CACHD1: variants seen among roughly 807,000 people sequenced by gnomAD.
CACHD1 encodes the protein cache domain containing 1, also known as VWFA and cache domain-containing protein 1.
In CACHD1, 71 loss-of-function variants were observed where a neutral mutation model predicts 138.7. That is an observed-to-expected ratio of 0.51 (90% CI 0.42 to 0.62). The LOEUF (loss-of-function observed/expected upper bound fraction) is 0.62, where lower values mean the gene tolerates loss of function less well. CACHD1 is among the 20% of genes least tolerant of loss of function. The pLI is 0.00. For synonymous variants in CACHD1, 578 were observed against 591.5 expected, an observed-to-expected ratio of 0.98 and a Z score of 0.33; for missense variants, 1,389 against 1,625.3, an observed-to-expected ratio of 0.85 and a Z score of 2.50.
intron 1 of CACHD1, among the ~76,000 whole-genome samples, chr1:64,533,220 G>T (rs935282737): frequency 6.6e-6 from 1 of 152,192 alleles, no homozygotes. Context: ...GCCGGGCGTG[G>T]TGGTGCAGGC....
chr1:64,511,102 A>G (rs1461838771), intron 1 of CACHD1, among the ~76,000 whole-genome samples: 1 of 152,204 alleles, frequency 6.6e-6, no homozygotes, highest in Non-Finnish European at 1.5e-5. Flanking sequence ...TGTACCTAAG[A>G]TCTCTACAGG....
At chr1:64,681,934 A>G in intron 25 of CACHD1, 71 bp from the exon 26 acceptor site, 2 of 1,332,186 alleles carry the variant, frequency 1.5e-6, no homozygotes. Flanking sequence ...GAGCCCTCTC[A>G]GAGCAAATGT....
At chr1:64,475,066 G>A (rs1385562368) in intron 1 of CACHD1, among the ~76,000 whole-genome samples, 1 of 151,980 alleles carries the variant, frequency 6.6e-6, no homozygotes, top group Non-Finnish European at 1.5e-5. Flanking sequence ...AGCTGGGGCA[G>A]AAGTGTCAAA....
chr1:64,508,712 TAAGA>T (rs1646395985), intron 1 of CACHD1, among the ~76,000 whole-genome samples: 3 of 152,230 alleles, frequency 2.0e-5, no homozygotes, highest in African/African-American at 7.2e-5. Context: ...GAGGGCTAAG[TAAGA>T]TAGAGACGTA....
At chr1:64,638,076 A>T (rs1648583325) in intron 7 of CACHD1, among the ~76,000 whole-genome samples, 1 of 152,180 alleles carries the variant, frequency 6.6e-6, no homozygotes, top group South Asian at 2.1e-4. Flanking sequence ...AGTTTCCTAT[A>T]AGACTTCTAG....
intron 1 of CACHD1, among the ~76,000 whole-genome samples, chr1:64,483,090 A>G (rs1646220363): frequency 6.6e-6 from 1 of 152,232 alleles, no homozygotes; most frequent in Non-Finnish European, 1.5e-5. Context: ...ATTACCAGGA[A>G]ATGTCTAGGG....
intron 5 of CACHD1, 30 bp from the exon 6 acceptor site, chr1:64,632,569 C>G (rs1648348195): frequency 6.2e-7 from 1 of 1,612,398 alleles, no homozygotes; most frequent in Non-Finnish European, 8.5e-7. Context: ...TAAACCAAGA[C>G]TGACCCCAGA....
chr1:64,476,588 TAGA>T (rs1273419970), intron 1 of CACHD1, among the ~76,000 whole-genome samples: 1 of 152,246 alleles, frequency 6.6e-6, no homozygotes, highest in Non-Finnish European at 1.5e-5. Context: ...ATATTTAGAA[TAGA>T]AGAAAACTGT....
At chr1:64,575,055 C>T (rs999841120) in intron 2 of CACHD1, among the ~76,000 whole-genome samples, 3 of 152,228 alleles carry the variant, frequency 2.0e-5, no homozygotes, top group African/African-American at 7.2e-5. Flanking sequence ...TTAGACCCCA[C>T]AATATTTCCC....
chr1:64,609,236 C>G (rs1476844019), intron 4 of CACHD1, among the ~76,000 whole-genome samples: 1 of 151,972 alleles, frequency 6.6e-6, no homozygotes. Flanking sequence ...AAAAGTTATC[C>G]TGGTAACAAT....
intron 14 of CACHD1, chr1:64,664,260 C>G: frequency 1.8e-6 from 1 of 554,932 alleles, no homozygotes; most frequent in East Asian, 2.9e-5. Context: ...GATTTTTCTT[C>G]TTAAACTCAG....
intron 24 of CACHD1, among the ~76,000 whole-genome samples, chr1:64,680,763 A>G (rs978940048): frequency 1.2e-4 from 18 of 152,184 alleles, no homozygotes; most frequent in Non-Finnish European, 1.5e-5. Flanking sequence ...GCATTTCACT[A>G]TGGCCACAAG....
chr1:64,604,820 T>C (rs1375515007), intron 4 of CACHD1, among the ~76,000 whole-genome samples: 7 of 151,638 alleles, frequency 4.6e-5, no homozygotes, highest in Admixed American at 4.6e-4. Flanking sequence ...ACCCAGCTAA[T>C]TTTTGTATTT....
intron 5 of CACHD1, among the ~76,000 whole-genome samples, chr1:64,631,659 C>T (rs1384665168): frequency 6.6e-6 from 1 of 152,160 alleles, no homozygotes; most frequent in Non-Finnish European, 1.5e-5. Flanking sequence ...AGCTTTAAAA[C>T]TGTGAATAGA....
chr1:64,678,362 G>C (rs1160825197), intron 23 of CACHD1, 52 bp downstream of exon 23: 1 of 1,481,410 alleles, frequency 6.8e-7, no homozygotes, highest in Non-Finnish European at 9.0e-7. Context: ...ACAATTTCCT[G>C]CCTATATGCT....
At chr1:64,552,752 T>C (rs1646769524) in intron 2 of CACHD1, among the ~76,000 whole-genome samples, 1 of 152,230 alleles carries the variant, frequency 6.6e-6, no homozygotes, top group African/African-American at 2.4e-5. Context: ...GTGCTGGGAT[T>C]ACAGGCATGG....
At chr1:64,646,372 T>C (rs1648902044) in intron 8 of CACHD1, among the ~76,000 whole-genome samples, 1 of 152,180 alleles carries the variant, frequency 6.6e-6, no homozygotes, top group Admixed American at 6.5e-5. Context: ...TATTTTTTGC[T>C]TTCCTTTAGC....
intron 1 of CACHD1, among the ~76,000 whole-genome samples, chr1:64,503,049 C>T (rs1391451746): frequency 1.3e-5 from 2 of 152,108 alleles, no homozygotes; most frequent in African/African-American, 4.8e-5. Flanking sequence ...CTGATAGAGC[C>T]GAACTTTTTT....
Position 64,558,689 on chromosome 1 carries a change from G to A in CACHD1, c.261+8033G>A, listed in dbSNP as rs184783292. 5.5e-3 allele frequency among the ~76,000 whole-genome samples: 840 copies of A among 152,230 alleles called. 5 individuals carry two copies. The highest frequency in any genetic ancestry group is 9.1e-3 in the Non-Finnish European group (616 of 68,020). ...TAAGAGCCTCTGCACAGCGAAAGAA[G>A]CTATCAACAGAGTAAATAGGCAACC... On this transcript the variant is annotated intron_variant, in intron 2 of 26. Transcript: ENST00000651257.
Sources: allele counts gnomAD v4.1 joint callset (sites outside exome capture counted in the v4.1 genomes callset), GRCh38; gene constraint gnomAD v4.1.1; transcripts MANE v1.5; gene names NCBI Gene and HGNC (gene_info 2026-07-23, HGNC 2026-07-21).